DYNC1LI1: variants seen among roughly 807,000 people sequenced by gnomAD.
The protein encoded by DYNC1LI1 is dynein cytoplasmic 1 light intermediate chain 1, also known as cytoplasmic dynein 1 light intermediate chain 1.
Under a neutral mutation model 63.8 loss-of-function variants are expected in DYNC1LI1, and 19 were observed. The observed-to-expected ratio is 0.30, with a 90% confidence interval of 0.21 to 0.44. The LOEUF (loss-of-function observed/expected upper bound fraction) is 0.44. Among genes scored for constraint, DYNC1LI1 ranks in the 20% least tolerant of loss-of-function variants. The pLI is 1.00. For missense variants in DYNC1LI1, 565 were observed against 630.2 expected (o/e 0.90, Z 1.11); for synonymous variants, 225 against 232.3 (o/e 0.97, Z 0.28).
At position 32,570,302 on chromosome 3, in the gene DYNC1LI1, CCGCTGGGGGCCGGGCGGGGCGGGG is replaced by C. The variant is rs1559447212; in HGVS notation, c.220+20_220+43del. ...TAGCCCGCGGACCAGGTACCCCGGG[CCGCTGGGGGCCGGGCGGGGCGGGG>C]CGAGGCAGGGAACACTTACCCAGCA... On this transcript the variant is annotated intron_variant, in intron 2 of 12. Transcript: ENST00000273130. 6.7e-7 allele frequency: 1 copy of C among 1,489,712 alleles called. No homozygotes were observed. The highest frequency in any genetic ancestry group is 1.9e-5 in the Admixed American group (1 of 52,408). 92.3% of individuals were successfully genotyped at this position (1,489,712 alleles called of 1,614,324 possible).
intron 2 of DYNC1LI1, among the ~76,000 whole-genome samples, chr3:32,547,030 G>A (rs1382304804): frequency 6.6e-6 from 1 of 152,146 alleles, no homozygotes; most frequent in Non-Finnish European, 1.5e-5. Flanking sequence ...GGATCCCGAG[G>A]TCAGGAGTTC....
Position 32,541,160 on chromosome 3 carries a change from CG to C in DYNC1LI1, c.614del (p.Pro205ArgfsTer19). ...QEYVEPGEDFPASPQRRNTAS... is the reference protein window; with the variant it reads ...QEYVEPGEDFXASPQRRNTAS... ...CAGTATTTCTTCTCTGGGGAGAAGC[CG>C]GGAAGTCTTCTCCTGGCTCTACATA... is the stretch of plus-strand genomic sequence containing the variant. On this transcript the variant is annotated frameshift_variant, in exon 5 of 13. Coordinates refer to ENST00000273130, the MANE Select transcript of DYNC1LI1 (RefSeq NM_016141.4). LOFTEE classifies it high-confidence loss of function. 1 of 1,612,492 alleles carries C rather than the reference CG, an allele frequency of 6.2e-7. No individual in the cohort carries two copies. The highest frequency in any genetic ancestry group is 8.5e-7 in the Non-Finnish European group (1 of 1,179,038).
At chr3:32,546,970 C>T (rs1351269678) in intron 2 of DYNC1LI1, among the ~76,000 whole-genome samples, 1 of 152,116 alleles carries the variant, frequency 6.6e-6, no homozygotes, top group Non-Finnish European at 1.5e-5. Context: ...CTAGGCCAGG[C>T]GCGGTGGCTC....
intron 2 of DYNC1LI1, among the ~76,000 whole-genome samples, chr3:32,557,216 C>T (rs892462495): frequency 3.3e-5 from 5 of 152,084 alleles, no homozygotes; most frequent in South Asian, 4.1e-4. Context: ...GACACTGATA[C>T]GTTTAAAAAT....
chr3:32,559,680 G>T (rs901761121), intron 2 of DYNC1LI1, among the ~76,000 whole-genome samples: 1 of 152,090 alleles, frequency 6.6e-6, no homozygotes, highest in Non-Finnish European at 1.5e-5. Context: ...TCCCAAGTAC[G>T]CATGCCACTG....
chr3:32,545,062 G>A lies in DYNC1LI1; in HGVS notation c.382C>T (p.His128Tyr). ...NVWILDGDLY[H>Y]KGLLKFSLDA... The stretch of plus-strand genomic sequence containing the variant: ...AGTGAAAATTTAAGGAGGCCTTTGT[G>A]ATATAGGTCTCCATCTAAGATCCAA... The change falls in exon 4 of 13, where the codon CAC (histidine) becomes TAC (tyrosine). Residue 128 changes from histidine to tyrosine, a missense_variant. His to Tyr is a moderately conservative substitution (Grantham distance 83). Transcript: ENST00000273130. 2 of 1,613,784 alleles carry A rather than the reference G, an allele frequency of 1.2e-6. No individual in the cohort carries two copies. Among genetic ancestry groups the A allele is most frequent in the Non-Finnish European group, 8.5e-7 (1 of 1,179,694 alleles).
At chr3:32,551,437 A>G (rs145879129) in intron 2 of DYNC1LI1, among the ~76,000 whole-genome samples, 7 of 152,332 alleles carry the variant, frequency 4.6e-5, no homozygotes, top group Non-Finnish European at 8.8e-5. Flanking sequence ...AGGTGAAAAC[A>G]AACAGTGGAG....
At chr3:32,561,544 G>A (rs1279667417) in intron 2 of DYNC1LI1, among the ~76,000 whole-genome samples, 1 of 151,828 alleles carries the variant, frequency 6.6e-6, no homozygotes, top group Non-Finnish European at 1.5e-5. Flanking sequence ...CAGGAGAATT[G>A]CTTGAACCCG....
At chr3:32,559,093 G>A (rs2125444140) in intron 2 of DYNC1LI1, among the ~76,000 whole-genome samples, 1 of 148,738 alleles carries the variant, frequency 6.7e-6, no homozygotes, top group East Asian at 2.0e-4. Context: ...AGTCTATGGT[G>A]CCCAGGCTAG....
rs866002473 is a variant in DYNC1LI1, at chr3:32,538,034, A to T, written c.739-930T>A. The stretch of plus-strand genomic sequence containing the variant: ...ATATATATATATAATTTATATATAT[A>T]ATATATATATATAATTATATATATA... On this transcript the variant is annotated intron_variant, in intron 5 of 12. Transcript: ENST00000273130. Among the ~76,000 whole-genome samples the T allele has an allele frequency of 1.8e-3, 18 of 10,088 alleles. 1 individual carries two copies. The South Asian group carries it at 0.019, about 11-fold the overall frequency. The allele number at this position is 10,088 out of a possible 152,430, so 6.6% of individuals were successfully genotyped here.
intron 2 of DYNC1LI1, among the ~76,000 whole-genome samples, chr3:32,558,380 A>T (rs1038854165): frequency 6.9e-6 from 1 of 145,032 alleles, no homozygotes. Context: ...TTTTTGTTTT[A>T]TTCCCCCAAC....
chr3:32,565,608 C>T (rs977783481), intron 2 of DYNC1LI1, among the ~76,000 whole-genome samples: 49 of 152,182 alleles, frequency 3.2e-4, no homozygotes, highest in African/African-American at 1.2e-3. Flanking sequence ...CTAGGCTGCA[C>T]AATTTTTCTT....
chr3:32,570,120 C>G (rs1698322603), intron 2 of DYNC1LI1: 1 of 678,984 alleles, frequency 1.5e-6, no homozygotes, highest in Non-Finnish European at 2.7e-6. Context: ...CCCCCATATA[C>G]CGGGGAGGAG....
chr3:32,541,140 T>A lies in DYNC1LI1; in HGVS notation c.635A>T (p.Asn212Ile). ...ATCTTTGTCTTCTTGTGACGCAGTA[T>A]TTCTTCTCTGGGGAGAAGCCGGGAA... ...EDFPASPQRR[N>I]TASQEDKDDS... is the part of the protein sequence containing the mutation. Residue 212 changes from asparagine (N) to isoleucine (I), a missense_variant, in exon 5 of 13, where the codon AAT becomes ATT. By Grantham distance (149) the Asn-to-Ile change is moderately radical. Transcript: ENST00000273130. 1 of 1,613,554 alleles carries A rather than the reference T, an allele frequency of 6.2e-7. No homozygotes were observed. The highest frequency in any genetic ancestry group is 8.5e-7 in the Non-Finnish European group (1 of 1,179,610).
At chr3:32,537,209 A>G in intron 5 of DYNC1LI1, 105 bp from the exon 6 acceptor site, 1 of 584,016 alleles carries the variant, frequency 1.7e-6, no homozygotes. Context: ...TAAAAGTACC[A>G]CTCTGATATG....
chr3:32,562,707 T>C (rs147462425), intron 2 of DYNC1LI1, among the ~76,000 whole-genome samples: 203 of 152,334 alleles, frequency 1.3e-3, no homozygotes, highest in African/African-American at 4.8e-3. Flanking sequence ...AAATAGTGAT[T>C]TCCAATTTTG....
intron 7 of DYNC1LI1, among the ~76,000 whole-genome samples, chr3:32,533,864 T>C (rs1697737924): frequency 6.8e-6 from 1 of 147,926 alleles, no homozygotes; most frequent in African/African-American, 2.5e-5. Context: ...ACCTGGACTA[T>C]TCAGGTAACT....
chr3:32,558,933 T>C (rs1264419804), intron 2 of DYNC1LI1, among the ~76,000 whole-genome samples: 1 of 152,238 alleles, frequency 6.6e-6, no homozygotes, highest in Non-Finnish European at 1.5e-5. Flanking sequence ...ACTGTCATTA[T>C]TGATTGTGTA....
At chr3:32,565,392 A>G (rs945319855) in intron 2 of DYNC1LI1, among the ~76,000 whole-genome samples, 6 of 152,206 alleles carry the variant, frequency 3.9e-5, no homozygotes, top group African/African-American at 1.2e-4. Context: ...AAAACCAGTC[A>G]CTGTGCTTGG....
Sources: gnomAD v4.1 joint callset for allele counts (sites outside exome capture counted in the v4.1 genomes callset) on GRCh38, gnomAD v4.1.1 for gene constraint, MANE v1.5 for transcripts, NCBI Gene and HGNC (gene_info 2026-07-23, HGNC 2026-07-21) for gene names.